The following HPSE2 variants were observed in gnomAD, a reference collection of about 807,000 sequenced individuals.
The protein encoded by HPSE2 is heparanase 2 (inactive).
In HPSE2, 38 loss-of-function variants were observed where a neutral mutation model predicts 60.5. The observed-to-expected ratio is 0.63, with a 90% confidence interval of 0.48 to 0.82. The LOEUF is 0.82. Ranked by LOEUF, HPSE2 falls within the 40% of genes least tolerant of loss-of-function variation. The probability of loss-of-function intolerance (pLI) is 0.00; values close to 1 mark genes in which losing one functional copy is unlikely to be tolerated. For missense variants in HPSE2, 713 were observed against 740.4 expected (o/e 0.96, Z 0.43); for synonymous variants, 295 against 293.2 (o/e 1.01, Z -0.06).
intron 3 of HPSE2, among the ~76,000 whole-genome samples, chr10:98,927,151 G>A (rs1954493832): frequency 6.6e-6 from 1 of 152,036 alleles, no homozygotes; most frequent in Non-Finnish European, 1.5e-5. Flanking sequence ...TTCAATTCCT[G>A]GGTATCCTTG....
At chr10:99,027,699 C>T (rs1379489308) in intron 3 of HPSE2, among the ~76,000 whole-genome samples, 2 of 150,756 alleles carry the variant, frequency 1.3e-5, no homozygotes, top group Non-Finnish European at 3.0e-5. Flanking sequence ...ACCACCACCA[C>T]CACCACCACC....
At chr10:99,296,556 A>G in the HPSE2 span, among the ~76,000 whole-genome samples, 1 of 151,234 alleles carries the variant, frequency 6.6e-6, no homozygotes, top group Admixed American at 6.6e-5. Context: ...GCTCTGCAGG[A>G]GCAGTCACAG....
the HPSE2 span, among the ~76,000 whole-genome samples, chr10:99,302,763 G>A: frequency 6.6e-6 from 1 of 151,738 alleles, no homozygotes; most frequent in Admixed American, 6.6e-5. Flanking sequence ...ATTCCAGACT[G>A]TAAAGAGGGT....
intron 4 of HPSE2, among the ~76,000 whole-genome samples, chr10:98,724,191 C>T (rs1048521872): frequency 5.8e-4 from 89 of 152,220 alleles, no homozygotes; most frequent in Non-Finnish European, 1.0e-3. Context: ...GTTCAAAGAA[C>T]ATCTTTATTT....
chr10:99,048,972 A>G (rs1957926855), intron 3 of HPSE2, among the ~76,000 whole-genome samples: 2 of 152,202 alleles, frequency 1.3e-5, no homozygotes, highest in Non-Finnish European at 2.9e-5. Context: ...GTGAACTAAC[A>G]CAGGAACAGA....
intron 2 of HPSE2, among the ~76,000 whole-genome samples, chr10:99,207,291 C>A (rs1394303080): frequency 1.3e-5 from 2 of 152,080 alleles, no homozygotes; most frequent in Non-Finnish European, 2.9e-5. Flanking sequence ...ATCATAGATA[C>A]CGTACCCAGC....
chr10:98,711,098 T>A (rs538212098), intron 5 of HPSE2, among the ~76,000 whole-genome samples: 2 of 152,118 alleles, frequency 1.3e-5, no homozygotes, highest in East Asian at 3.9e-4. Context: ...TGAGAAAAGA[T>A]GATGAAAGAG....
chr10:99,172,417 T>G (rs540867689), intron 2 of HPSE2, among the ~76,000 whole-genome samples: 5 of 152,178 alleles, frequency 3.3e-5, no homozygotes, highest in Non-Finnish European at 7.3e-5. Flanking sequence ...TTATGTATGC[T>G]GGTGATCAAT....
At chr10:98,670,893 C>T (rs773860575) in intron 6 of HPSE2, among the ~76,000 whole-genome samples, 1 of 152,184 alleles carries the variant, frequency 6.6e-6, no homozygotes, top group Non-Finnish European at 1.5e-5. Flanking sequence ...TTGGGGAGCT[C>T]GGATTTTAAG....
At chr10:99,076,516 T>C (rs1842955947) in intron 3 of HPSE2, among the ~76,000 whole-genome samples, 1 of 152,176 alleles carries the variant, frequency 6.6e-6, no homozygotes, top group African/African-American at 2.4e-5. Flanking sequence ...GCCTCCCCAG[T>C]AGCTGGGACC....
chr10:98,817,087 T>C (rs1951308826), intron 3 of HPSE2, among the ~76,000 whole-genome samples: 1 of 152,096 alleles, frequency 6.6e-6, no homozygotes, highest in South Asian at 2.1e-4. Flanking sequence ...TTGAGGTCAA[T>C]GCTTTTATTT....
chr10:98,959,583 G>T (rs1955597678), intron 3 of HPSE2, among the ~76,000 whole-genome samples: 1 of 152,108 alleles, frequency 6.6e-6, no homozygotes, highest in African/African-American at 2.4e-5. Context: ...CTACATTTGA[G>T]AGGCTGTATT....
chr10:98,978,650 T>C (rs1201118602), intron 3 of HPSE2, among the ~76,000 whole-genome samples: 1 of 152,198 alleles, frequency 6.6e-6, no homozygotes, highest in Non-Finnish European at 1.5e-5. Context: ...CTGAGAAATA[T>C]ACAGTATTAA....
chr10:98,580,329 C>T (rs10883140), intron 9 of HPSE2, among the ~76,000 whole-genome samples: 44,035 of 145,566 alleles, frequency 0.3, 6,658 homozygotes, highest in East Asian at 0.5. Flanking sequence ...TATTTTCTTG[C>T]ATTATTTCCT....
Position 98,473,532 on chromosome 10 carries a change from G to GAAAGAA in HPSE2, c.1613+9103_1613+9104insTTCTTT, listed in dbSNP as rs1554911865. Among the ~76,000 whole-genome samples, 18 of 139,666 alleles carry GAAAGAA rather than the reference G, an allele frequency of 1.3e-4. No individual in the cohort carries two copies. The East Asian group carries it at 3.6e-3, about 28-fold the overall frequency. 91.6% of individuals were successfully genotyped at this position (139,666 alleles called of 152,430 possible). On this transcript the variant is annotated intron_variant, in intron 11 of 11. Coordinates refer to ENST00000370552, the MANE Select transcript of HPSE2 (RefSeq NM_021828.5). ...AGGCAGAAAAAGAGAAAGAGAGAGA[G>GAAAGAA]AGAAAGAAAGAAAGAGAGGAAGAGA...
chr10:98,828,882 A>G (rs1951615760), intron 3 of HPSE2, among the ~76,000 whole-genome samples: 1 of 152,232 alleles, frequency 6.6e-6, no homozygotes, highest in Non-Finnish European at 1.5e-5. Context: ...GAAAGCAGGA[A>G]CATGAACAGG....
chr10:99,117,417 G>GGA, intron 3 of HPSE2, among the ~76,000 whole-genome samples: 1 of 24,804 alleles, frequency 4.0e-5, no homozygotes. Flanking sequence ...TTGTTTTTTT[G>GGA]AAAAAAAAAA....
chr10:99,252,342 T>G, the HPSE2 span, among the ~76,000 whole-genome samples: 3 of 151,846 alleles, frequency 2.0e-5, no homozygotes, highest in African/African-American at 2.4e-5. Flanking sequence ...GAGAAAGAAA[T>G]AAAAGTCATC....
chr10:99,010,808 A>G (rs116489691), intron 3 of HPSE2, among the ~76,000 whole-genome samples: 228 of 152,316 alleles, frequency 1.5e-3, no homozygotes, highest in African/African-American at 5.1e-3. Flanking sequence ...TTGAGGATGA[A>G]TATTAATTGC....
Sources: allele counts gnomAD v4.1 joint callset (sites outside exome capture counted in the v4.1 genomes callset), GRCh38; gene constraint gnomAD v4.1.1; transcripts MANE v1.5; gene names NCBI Gene and HGNC (gene_info 2026-07-23, HGNC 2026-07-21).